Variants in PPM1H observed in about 807,000 individuals in gnomAD.
PPM1H encodes the protein protein phosphatase 1H.
In PPM1H, 27 loss-of-function variants were observed where a neutral mutation model predicts 54.9. The observed-to-expected ratio is 0.49, with a 90% CI of 0.36 to 0.68. PPM1H has a LOEUF of 0.68. Among genes scored for constraint, PPM1H ranks in the 30% least tolerant of loss-of-function variants. PPM1H has a pLI of 0.00. For synonymous variants in PPM1H, 305 were observed against 270.8 expected, an observed-to-expected ratio of 1.13 and a Z score of -1.24; for missense variants, 596 against 667.8, an observed-to-expected ratio of 0.89 and a Z score of 1.19.
intron 1 of PPM1H, among the ~76,000 whole-genome samples, chr12:62,912,136 T>C (rs972580437): frequency 7.2e-5 from 11 of 152,216 alleles, no homozygotes; most frequent in African/African-American, 2.4e-4. Flanking sequence ...GGTGATTATA[T>C]GAAAGGACTC....
chr12:62,886,684 A>G (rs1458559997), intron 1 of PPM1H, among the ~76,000 whole-genome samples: 1 of 152,252 alleles, frequency 6.6e-6, no homozygotes, highest in Non-Finnish European at 1.5e-5. Context: ...ATCAGAAGTG[A>G]CAAATCAGGG....
intron 9 of PPM1H, among the ~76,000 whole-genome samples, chr12:62,656,283 C>T (rs1376730670): frequency 6.6e-6 from 1 of 152,142 alleles, no homozygotes; most frequent in Admixed American, 6.5e-5. Flanking sequence ...CTTGGAGCCC[C>T]TCTTTCCTTA....
chr12:62,826,339 C>T (rs1037840506), intron 2 of PPM1H, among the ~76,000 whole-genome samples: 2 of 152,280 alleles, frequency 1.3e-5, no homozygotes, highest in East Asian at 3.9e-4. Flanking sequence ...ATCCCAGCTA[C>T]TCAGGAGGAT....
chr12:62,829,809 AG>A (rs1371646356), intron 2 of PPM1H, among the ~76,000 whole-genome samples: 1 of 152,250 alleles, frequency 6.6e-6, no homozygotes, highest in South Asian at 2.1e-4. Flanking sequence ...CTCAGTAAAA[AG>A]GAAAAATGCC....
At chr12:62,724,426 C>T (rs540317159) in intron 5 of PPM1H, among the ~76,000 whole-genome samples, 1 of 152,254 alleles carries the variant, frequency 6.6e-6, no homozygotes, top group South Asian at 2.1e-4. Context: ...CTCTTTTTGG[C>T]TGATATCCAT....
At chr12:62,771,534 G>A (rs1230573545) in intron 4 of PPM1H, among the ~76,000 whole-genome samples, 1 of 146,656 alleles carries the variant, frequency 6.8e-6, no homozygotes, top group Non-Finnish European at 1.5e-5. Flanking sequence ...CAGCCCAAAA[G>A]TTCATGTAGC....
At chr12:62,861,359 A>G (rs546572847) in intron 1 of PPM1H, among the ~76,000 whole-genome samples, 1 of 152,332 alleles carries the variant, frequency 6.6e-6, no homozygotes, top group East Asian at 1.9e-4. Context: ...ACAAGTTTCA[A>G]GTCCTGGAAA....
intron 4 of PPM1H, among the ~76,000 whole-genome samples, chr12:62,749,977 C>T (rs2076432681): frequency 6.6e-6 from 1 of 151,912 alleles, no homozygotes. Context: ...CAGCAACACT[C>T]ATGAAACCCA....
intron 1 of PPM1H, among the ~76,000 whole-genome samples, chr12:62,880,205 T>C (rs1339535901): frequency 6.6e-6 from 1 of 152,192 alleles, no homozygotes; most frequent in Admixed American, 6.5e-5. Context: ...AGATGTAATT[T>C]AGTAGAAAAC....
chr12:62,921,858 T>G (rs888404585), intron 1 of PPM1H, among the ~76,000 whole-genome samples: 3 of 152,222 alleles, frequency 2.0e-5, no homozygotes, highest in African/African-American at 7.2e-5. Flanking sequence ...AAATTAAATT[T>G]TACAGGGGAC....
At chr12:62,722,729 A>G (rs553599111) in intron 5 of PPM1H, among the ~76,000 whole-genome samples, 1 of 152,362 alleles carries the variant, frequency 6.6e-6, no homozygotes, top group Admixed American at 6.5e-5. Flanking sequence ...TGAATAACTC[A>G]TTAAATAAAC....
intron 1 of PPM1H, among the ~76,000 whole-genome samples, chr12:62,900,619 G>A (rs1871140937): frequency 6.6e-6 from 1 of 150,952 alleles, no homozygotes. Context: ...AAAAGGAAAG[G>A]ACTACGTGGA....
At chr12:62,704,878 C>T (rs977266193) in intron 6 of PPM1H, among the ~76,000 whole-genome samples, 1 of 152,202 alleles carries the variant, frequency 6.6e-6, no homozygotes, top group Non-Finnish European at 1.5e-5. Flanking sequence ...AAATGCCTAC[C>T]TCCCCACTTC....
At chr12:62,918,800 C>T (rs541099567) in intron 1 of PPM1H, among the ~76,000 whole-genome samples, 2 of 152,290 alleles carry the variant, frequency 1.3e-5, no homozygotes, top group South Asian at 4.1e-4. Context: ...CATGGGAAGA[C>T]AGTGACTCCA....
chr12:62,776,333 C>T (rs1210113520), intron 4 of PPM1H, among the ~76,000 whole-genome samples: 3 of 152,210 alleles, frequency 2.0e-5, no homozygotes, highest in Non-Finnish European at 4.4e-5. Context: ...TGCAACCCAC[C>T]CCTGACTACT....
chr12:62,843,265 C>T (rs183624452), intron 1 of PPM1H, among the ~76,000 whole-genome samples: 83 of 152,170 alleles, frequency 5.5e-4, no homozygotes, highest in Non-Finnish European at 8.7e-4. Context: ...TGCAGTGAGC[C>T]GAGATGGCGC....
chr12:62,765,981 T>C (rs1214035188), intron 4 of PPM1H, among the ~76,000 whole-genome samples: 1 of 152,214 alleles, frequency 6.6e-6, no homozygotes, highest in Non-Finnish European at 1.5e-5. Flanking sequence ...ACTGAAGGGC[T>C]TTCAACAAGG....
At chr12:62,723,749 A>G (rs2076275685) in intron 5 of PPM1H, among the ~76,000 whole-genome samples, 1 of 152,220 alleles carries the variant, frequency 6.6e-6, no homozygotes, top group African/African-American at 2.4e-5. Context: ...GTGTGTGTGT[A>G]AATACAGATA....
At chr12:62,699,691 C>T in intron 6 of PPM1H, among the ~76,000 whole-genome samples, 1 of 152,188 alleles carries the variant, frequency 6.6e-6, no homozygotes, top group East Asian at 1.9e-4. Flanking sequence ...TTCAACTCTC[C>T]TGGAATAGCT....
Sources: gnomAD v4.1 joint callset for allele counts (sites outside exome capture counted in the v4.1 genomes callset) on GRCh38, gnomAD v4.1.1 for gene constraint, MANE v1.5 for transcripts, NCBI Gene and HGNC (gene_info 2026-07-23, HGNC 2026-07-21) for gene names.